Variants in MTHFD1 observed in about 807,000 individuals in gnomAD.
The protein encoded by MTHFD1 is C-1-tetrahydrofolate synthase, cytoplasmic.
MTHFD1 carries 44 observed loss-of-function variants against 110.3 expected under a neutral mutation model. The ratio of observed to expected loss-of-function variants is 0.40; its 90% CI spans 0.31 to 0.51. The LOEUF (loss-of-function observed/expected upper bound fraction) is 0.51, where lower values mean the gene tolerates loss of function less well. MTHFD1 is among the 20% of genes least tolerant of loss of function. The pLI, the probability that MTHFD1 is intolerant of heterozygous loss-of-function variation, is 0.60. For missense variants in MTHFD1, 909 were observed against 1,173.1 expected, an observed-to-expected ratio of 0.77 and a Z score of 3.29; for synonymous variants, 402 against 428.8, an observed-to-expected ratio of 0.94 and a Z score of 0.77.
chr14:64,440,570 AC>A (rs1157121000), intron 18 of MTHFD1: 5 of 412,024 alleles, frequency 1.2e-5, no homozygotes, highest in Non-Finnish European at 2.3e-5. Flanking sequence ...CATCAAGAGT[AC>A]CATTGCTTTA....
intron 1 of MTHFD1, among the ~76,000 whole-genome samples, chr14:64,394,381 G>C (rs183843864): frequency 1.3e-5 from 2 of 152,220 alleles, no homozygotes; most frequent in African/African-American, 2.4e-5. Context: ...GACACCCTGG[G>C]TTTGGTTCTC....
intron 9 of MTHFD1, among the ~76,000 whole-genome samples, chr14:64,425,401 A>G (rs2078111006): frequency 6.6e-6 from 1 of 151,870 alleles, no homozygotes; most frequent in African/African-American, 2.4e-5. Flanking sequence ...TAGTAGAGAC[A>G]GGTTTCTCCA....
chr14:64,400,910 CT>C (rs1566554975), intron 2 of MTHFD1, 33 bp downstream of exon 2: 1 of 1,476,660 alleles, frequency 6.8e-7, no homozygotes, highest in Non-Finnish European at 9.4e-7. Context: ...TTAATGTTGT[CT>C]TTGCTTGATT....
intron 3 of MTHFD1, among the ~76,000 whole-genome samples, chr14:64,411,770 G>C (rs985925956): frequency 6.6e-6 from 1 of 152,042 alleles, no homozygotes; most frequent in Non-Finnish European, 1.5e-5. Flanking sequence ...GTGTGGTGGC[G>C]CATGCCTGTA....
chr14:64,407,668 C>T (rs1331373106), intron 2 of MTHFD1, among the ~76,000 whole-genome samples: 2 of 151,520 alleles, frequency 1.3e-5, no homozygotes, highest in Non-Finnish European at 2.9e-5. Context: ...CCCACCTTAG[C>T]CTCCCAAATG....
In MTHFD1 at chr14:64,411,103, A is replaced by G. The variant is rs1404806244; in HGVS notation, c.140A>G (p.Asp47Gly). ...RLAILQVGNR[D>G]DSNLYINVKL... ...TTATTATTCTAGGTTGGCAACAGAG[A>G]TGATTCCAATCTTTATATAAATGTG... The change falls in exon 3 of 28, where the codon GAT (aspartate) becomes GGT (glycine). Residue 47 changes from aspartate to glycine, a missense_variant. Physicochemically the swap from Asp to Gly is moderately conservative, Grantham distance 94. This residue lies in a region of MTHFD1 where 424 missense variants were observed against 510.4 expected (regional missense o/e 0.83). Coordinates refer to ENST00000652337, the MANE Select transcript of MTHFD1 (RefSeq NM_005956.4). 6 of 1,612,614 alleles carry G rather than the reference A, an allele frequency of 3.7e-6. No individual in the cohort carries two copies. The highest frequency in any genetic ancestry group is 5.1e-6 in the Non-Finnish European group (6 of 1,178,908).
chr14:64,403,727 G>A (rs1358486043), intron 2 of MTHFD1, among the ~76,000 whole-genome samples: 2 of 151,602 alleles, frequency 1.3e-5, no homozygotes, highest in Non-Finnish European at 2.9e-5. Context: ...GTATTTTTTT[G>A]TAGAGACGGT....
chr14:64,395,736 CA>C (rs1407894428), intron 1 of MTHFD1, among the ~76,000 whole-genome samples: 2 of 152,044 alleles, frequency 1.3e-5, no homozygotes, highest in African/African-American at 4.8e-5. Context: ...CAGTAGAGGC[CA>C]GGACTGGTGC....
intron 15 of MTHFD1, 24 bp from the exon 16 acceptor site, chr14:64,435,545 G>A (rs771025067): frequency 2.7e-6 from 4 of 1,464,408 alleles, no homozygotes; most frequent in Non-Finnish European, 9.6e-7. Context: ...CTTATTTTAT[G>A]TTTTCATTTT....
chr14:64,406,748 G>T (rs1016748930), intron 2 of MTHFD1, among the ~76,000 whole-genome samples: 1 of 152,074 alleles, frequency 6.6e-6, no homozygotes, highest in Non-Finnish European at 1.5e-5. Context: ...CCGAGTCACC[G>T]CACCTGACTG....
chr14:64,397,571 G>A (rs1215602660), intron 1 of MTHFD1, among the ~76,000 whole-genome samples: 1 of 152,148 alleles, frequency 6.6e-6, no homozygotes, highest in Non-Finnish European at 1.5e-5. Context: ...GGGATTGCAG[G>A]CGTGAGCCAT....
chr14:64,449,578 G>A lies in MTHFD1; in HGVS notation c.2413G>A (p.Ala805Thr). The change falls in exon 24 of 28, where the codon GCA becomes ACA. Residue 805 changes from alanine to threonine, a missense_variant. Physicochemically the swap from Ala to Thr is moderately conservative, Grantham distance 58 (BLOSUM62 0). Coordinates refer to ENST00000652337, the MANE Select transcript of MTHFD1 (RefSeq NM_005956.4). The part of the protein sequence containing the change: ...ALALAQAVQR[A>T]AQAPSSFQLL... ...AGCCCTGGCTCAGGCCGTCCAGAGA[G>A]CAGCACAAGCACCCAGCAGCTTCCA... 18 of 1,614,200 alleles carry A rather than the reference G, an allele frequency of 1.1e-5. 1 individual carries two copies. Among genetic ancestry groups the A allele is most frequent in the South Asian group, 2.2e-5 (2 of 91,088 alleles).
At chr14:64,458,377 A>G (rs2078508856) in intron 27 of MTHFD1, 70 bp downstream of exon 27, 2 of 991,340 alleles carry the variant, frequency 2.0e-6, no homozygotes, top group Non-Finnish European at 3.3e-6. Context: ...TAGGGCTCAA[A>G]CTGACGCTAT....
chr14:64,424,896 G>A lies in MTHFD1; in HGVS notation c.820G>A (p.Gly274Ser). Residue 274 changes from glycine to serine, a missense_variant, in exon 9 of 28, where the codon GGC becomes AGC. Physicochemically the swap from Gly to Ser is moderately conservative, Grantham distance 56. Transcript: ENST00000652337. ...GAGCTTCATCACTCCTGTTCCTGGC[G>A]GCGTAGGGCCCATGACAGTTGCAAT... ...RASFITPVPG[G>S]VGPMTVAMLM... 4.3e-6 allele frequency: 7 copies of A among 1,614,162 alleles called. No individual in the cohort carries two copies. Among genetic ancestry groups the A allele is most frequent in the Non-Finnish European group, 5.1e-6 (6 of 1,180,028 alleles).
Position 64,439,894 on chromosome 14 carries a change from CAAAAAAAAA to C in MTHFD1, c.1675-216_1675-208del, listed in dbSNP as rs760527922. 1.1e-4 allele frequency among the ~76,000 whole-genome samples: 6 copies of C among 56,578 alleles called. No individual in the cohort carries two copies. In the South Asian group the frequency reaches 2.2e-3, roughly 21 times the overall value. 37.1% of individuals were successfully genotyped at this position (56,578 alleles called of 152,430 possible). A position where few individuals can be genotyped will look rare whatever the true frequency, so the allele number is the denominator to read the frequency against. On this transcript the variant is annotated intron_variant, in intron 17 of 27. Transcript: ENST00000652337. ...GGGCAACAGACCGAGACTCTGTCTCCAAAAAAAAAAAAAAAAAAAAAAAATGACAACTCA... is the reference window on the plus strand; with the variant it reads ...GGGCAACAGACCGAGACTCTGTCTCCAAAAAAAAAAAAAAATGACAACTCA...
chr14:64,430,300 C>A (rs59096477), intron 13 of MTHFD1, 70 bp downstream of exon 13: 44,689 of 1,411,228 alleles, frequency 0.032, 1,383 homozygotes, highest in African/African-American at 0.16. Context: ...GCTGAATTAG[C>A]TCCCTTTTTT....
At chr14:64,403,298 A>G (rs1315703061) in intron 2 of MTHFD1, among the ~76,000 whole-genome samples, 1 of 149,450 alleles carries the variant, frequency 6.7e-6, no homozygotes, top group East Asian at 2.0e-4. Flanking sequence ...TTTTTGAAAC[A>G]GAATCTCGCT....
intron 12 of MTHFD1, among the ~76,000 whole-genome samples, chr14:64,428,104 T>G (rs1038489124): frequency 8.4e-5 from 3 of 35,658 alleles, no homozygotes; most frequent in Non-Finnish European, 1.9e-4. Context: ...GAACATGTGT[T>G]TTTTTTTTTT....
chr14:64,429,763 CTTT>C (rs2078144336), intron 12 of MTHFD1, among the ~76,000 whole-genome samples: 1 of 134,290 alleles, frequency 7.4e-6, no homozygotes, highest in Non-Finnish European at 1.6e-5. Flanking sequence ...AATTAGGCTG[CTTT>C]CTAACAGCCT....
Sources: allele counts gnomAD v4.1 joint callset (sites outside exome capture counted in the v4.1 genomes callset), GRCh38; gene constraint gnomAD v4.1.1; regional missense constraint gnomAD v4.1.1; transcripts MANE v1.5; gene names NCBI Gene and HGNC (gene_info 2026-07-23, HGNC 2026-07-21).